The following SOCS6 variants were observed in gnomAD, a reference collection of about 807,000 sequenced individuals.
The protein encoded by SOCS6 is suppressor of cytokine signaling 6.
Under a neutral mutation model 27.7 loss-of-function variants are expected in SOCS6, and 5 were observed. That is an observed-to-expected ratio of 0.18 (90% CI 0.09 to 0.38). The LOEUF (loss-of-function observed/expected upper bound fraction) is 0.38. SOCS6 is among the 10% of genes least tolerant of loss of function. The pLI is 1.00. For synonymous variants in SOCS6, 271 were observed against 260.0 expected, an observed-to-expected ratio of 1.04 and a Z score of -0.41; for missense variants, 595 against 688.1, an observed-to-expected ratio of 0.86 and a Z score of 1.51.
chr18:70,318,627 T>C (rs562501509), intron 1 of SOCS6, among the ~76,000 whole-genome samples: 1 of 151,912 alleles, frequency 6.6e-6, no homozygotes, highest in African/African-American at 2.4e-5. Context: ...TTTTTTTTTT[T>C]AATCAGATCT....
intron 1 of SOCS6, among the ~76,000 whole-genome samples, chr18:70,293,473 A>G (rs1198469160): frequency 6.6e-6 from 1 of 152,194 alleles, no homozygotes; most frequent in Non-Finnish European, 1.5e-5. Context: ...TGTATAGTGT[A>G]TAGAAAGTCA....
chr18:70,326,151 A>G lies in SOCS6; in HGVS notation c.1483A>G (p.Met495Val), dbSNP rs1266265719. 3.1e-6 allele frequency: 5 copies of G among 1,614,222 alleles called. No individual in the cohort carries two copies. ...ACTGACCAACCCAGTGTCCCGGTTC[A>G]TGCAGGTGCGCTCGTTGCAGTACCT... ...VRLTNPVSRFMQVRSLQYLCR... is the reference protein window; with the variant it reads ...VRLTNPVSRFVQVRSLQYLCR... Residue 495 changes from methionine (M) to valine (V), a missense_variant, in exon 2 of 2, where the codon ATG becomes GTG. Physicochemically the swap from Met to Val is conservative, Grantham distance 21. Coordinates refer to ENST00000397942, the MANE Select transcript of SOCS6 (RefSeq NM_004232.4).
At chr18:70,306,543 A>T (rs2062370502) in intron 1 of SOCS6, among the ~76,000 whole-genome samples, 1 of 149,918 alleles carries the variant, frequency 6.7e-6, no homozygotes, top group African/African-American at 2.4e-5. Flanking sequence ...ATGAATAAAG[A>T]TGGTTTTATT....
intron 1 of SOCS6, among the ~76,000 whole-genome samples, chr18:70,312,690 G>A (rs1421406212): frequency 1.3e-5 from 2 of 150,950 alleles, no homozygotes; most frequent in Non-Finnish European, 2.9e-5. Flanking sequence ...ATTTTGTTGA[G>A]TTTTGACAAA....
chr18:70,326,266 A>T lies in SOCS6; in HGVS notation c.1598A>T (p.Lys533Met). 1.2e-6 allele frequency: 2 copies of T among 1,611,492 alleles called. No homozygotes were observed. The highest frequency in any genetic ancestry group is 1.7e-6 in the Non-Finnish European group (2 of 1,178,496). Residue 533 changes from lysine to methionine, a missense_variant, in exon 2 of 2, where the codon AAG (lysine) becomes ATG (methionine). This residue lies in a region of SOCS6 where 128 missense variants were observed against 207.0 expected (regional missense o/e 0.62). Transcript: ENST00000397942. ...PNKMKDYLQE[K>M]HY ...AAAATGAAGGATTATTTACAGGAGA[A>T]GCACTACTGAAAGATTGAGAACCCT...
intron 1 of SOCS6, among the ~76,000 whole-genome samples, chr18:70,289,919 A>G (rs984416977): frequency 6.6e-6 from 1 of 152,190 alleles, no homozygotes; most frequent in Non-Finnish European, 1.5e-5. Context: ...TCAGGGGCAG[A>G]TCCTGGCACA....
intron 1 of SOCS6, among the ~76,000 whole-genome samples, chr18:70,307,692 CCTTT>C (rs992267648): frequency 4.6e-5 from 7 of 151,924 alleles, no homozygotes; most frequent in African/African-American, 1.5e-4. Flanking sequence ...ATAGTGATAG[CCTTT>C]CTTTCATTTC....
At chr18:70,289,375 C>T (rs41366952) in intron 1 of SOCS6, among the ~76,000 whole-genome samples, 9,083 of 148,146 alleles carry the variant, frequency 0.061, 348 homozygotes, top group South Asian at 0.09. Flanking sequence ...GAAGCCGGGG[C>T]CGGGGCGCGG....
rs769407600 is a variant in SOCS6, at chr18:70,324,878, C to G, written c.210C>G (p.Ser70Arg). 2.5e-6 allele frequency: 4 copies of G among 1,614,130 alleles called. No homozygotes were observed. The South Asian group carries it at 4.4e-5, about 18-fold the overall frequency. ...DEKGGKNRSK[S>R]ESLMGTLKRR... ...AAGGCGGAAAAAACAGATCAAAAAG[C>G]GAGAGCCTGATGGGTACGCTAAAAA... The change falls in exon 2 of 2, where the codon AGC becomes AGG. Residue 70 changes from serine (S) to arginine (R), a missense_variant. Physicochemically the swap from Ser to Arg is moderately radical, Grantham distance 110. This residue lies in a region of SOCS6 where 467 missense variants were observed against 481.1 expected (regional missense o/e 0.97). Transcript: ENST00000397942.
At chr18:70,297,016 T>TATC (rs2062327044) in intron 1 of SOCS6, among the ~76,000 whole-genome samples, 1 of 151,738 alleles carries the variant, frequency 6.6e-6, no homozygotes, top group Non-Finnish European at 1.5e-5. Flanking sequence ...TTGTTGTTGT[T>TATC]GTTGTTGTTG....
chr18:70,322,533 A>G (rs1242443515), intron 1 of SOCS6, among the ~76,000 whole-genome samples: 1 of 152,188 alleles, frequency 6.6e-6, no homozygotes, highest in Non-Finnish European at 1.5e-5. Context: ...AGTGGGAAGC[A>G]CAACTATTTG....
intron 1 of SOCS6, among the ~76,000 whole-genome samples, chr18:70,299,848 T>C (rs905658357): frequency 7.2e-5 from 11 of 152,232 alleles, no homozygotes; most frequent in Non-Finnish European, 1.6e-4. Context: ...ACCATTTATA[T>C]AACACTTGTG....
In SOCS6 at chr18:70,327,325, G is replaced by C. The variant is rs1461082284; in HGVS notation, c.*1049G>C. 1 of 166,604 alleles carries C rather than the reference G, an allele frequency of 6.0e-6. No homozygotes were observed. The highest frequency in any genetic ancestry group is 1.5e-5 in the Non-Finnish European group (1 of 68,068). 10.3% of individuals were successfully genotyped at this position (166,604 alleles called of 1,614,324 possible). A position where few individuals can be genotyped will look rare whatever the true frequency, so the allele number is the denominator to read the frequency against. On this transcript the variant is annotated 3_prime_UTR_variant, in exon 2 of 2. Transcript: ENST00000397942. ...GAAAGAAAACATTGTTTTAAAGTTGGATTTATATTTTTCTTCTATGTAGTT... is the reference window on the plus strand; with the variant it reads ...GAAAGAAAACATTGTTTTAAAGTTGCATTTATATTTTTCTTCTATGTAGTT...
In SOCS6 at chr18:70,324,813, A is replaced by G. The variant is rs1351451567; in HGVS notation, c.145A>G (p.Lys49Glu). Residue 49 changes from lysine (K) to glutamate (E), a missense_variant, in exon 2 of 2, where the codon AAA (lysine) becomes GAA (glutamate). By Grantham distance (56) the Lys-to-Glu change is moderately conservative (BLOSUM62 1). Coordinates refer to ENST00000397942, the MANE Select transcript of SOCS6 (RefSeq NM_004232.4). ...DDSLFGSCYG[K>E]DMASCDINGE... is the part of the protein sequence containing the mutation. ...TTCCTTATTTGGTAGCTGCTATGGTAAAGATATGGCCAGCTGCGATATCAA... is the reference window on the plus strand; with the variant it reads ...TTCCTTATTTGGTAGCTGCTATGGTGAAGATATGGCCAGCTGCGATATCAA... 6.2e-7 allele frequency: 1 copy of G among 1,614,116 alleles called. No individual in the cohort carries two copies. The highest frequency in any genetic ancestry group is 2.2e-5 in the East Asian group (1 of 44,896).
At position 70,329,165 on chromosome 18, in the gene SOCS6, T is replaced by C. The variant is rs1473282256; in HGVS notation, c.*2889T>C. ...GGCTGTAGAAAGTACTTGAAAAATATCTAATTCTCTTTCTGTCTAAGGAAA... is the reference window on the plus strand; with the variant it reads ...GGCTGTAGAAAGTACTTGAAAAATACCTAATTCTCTTTCTGTCTAAGGAAA... On this transcript the variant is annotated 3_prime_UTR_variant, in exon 2 of 2. Transcript: ENST00000397942. 2 of 167,092 alleles carry C rather than the reference T, an allele frequency of 1.2e-5. No individual in the cohort carries two copies. The highest frequency in any genetic ancestry group is 2.4e-5 in the African/African-American group (1 of 41,456). 10.4% of individuals were successfully genotyped at this position (167,092 alleles called of 1,614,324 possible).
rs1012750539 is a variant in SOCS6, at chr18:70,325,997, T to C, written c.1329T>C (p.Tyr443=). 2 of 1,614,164 alleles carry C rather than the reference T, an allele frequency of 1.2e-6. No individual in the cohort carries two copies. Among genetic ancestry groups the C allele is most frequent in the Non-Finnish European group, 1.7e-6 (2 of 1,180,054 alleles). Residue 443 remains tyrosine, a synonymous_variant, in exon 2 of 2, where the codon TAT becomes TAC. Transcript: ENST00000397942. This position sits in a 1 kb window ranked among gnomAD's most constrained non-coding sequence, Gnocchi z 6.3. ...ACTCAAATGGTAGGTTTAGCTTTTATGAACAGCCAGATGTGGAAGGACATA... is the reference window on the plus strand; with the variant it reads ...ACTCAAATGGTAGGTTTAGCTTTTACGAACAGCCAGATGTGGAAGGACATA... ...IEHSNGRFSF[Y]EQPDVEGHTS... is the part of the protein sequence containing the mutation.
At chr18:70,315,546 C>T (rs919905990) in intron 1 of SOCS6, among the ~76,000 whole-genome samples, 3 of 152,168 alleles carry the variant, frequency 2.0e-5, no homozygotes, top group African/African-American at 7.2e-5. Context: ...TGTATAAGCA[C>T]ATTCCCTTTC....
At chr18:70,293,428 C>T (rs562025139) in intron 1 of SOCS6, among the ~76,000 whole-genome samples, 3 of 152,162 alleles carry the variant, frequency 2.0e-5, no homozygotes, top group Non-Finnish European at 2.9e-5. Context: ...GCAGTGTAGA[C>T]GCCCAGATCT....
At chr18:70,301,054 C>G (rs541311777) in intron 1 of SOCS6, among the ~76,000 whole-genome samples, 1 of 152,024 alleles carries the variant, frequency 6.6e-6, no homozygotes, top group African/African-American at 2.4e-5. Flanking sequence ...ATGCAGTTGC[C>G]GAGAAGTGTG....
Sources: gnomAD v4.1 joint callset for allele counts (sites outside exome capture counted in the v4.1 genomes callset) on GRCh38, gnomAD v4.1.1 for gene constraint, gnomAD v4.1.1 regional missense constraint, Gnocchi (gnomAD v3.1) non-coding constraint, MANE v1.5 for transcripts, NCBI Gene and HGNC (gene_info 2026-07-23, HGNC 2026-07-21) for gene names.